The following OTUD7B variants were observed in gnomAD, a reference collection of about 807,000 sequenced individuals.
OTUD7B encodes the protein OTU deubiquitinase 7B.
Under a neutral mutation model 82.2 loss-of-function variants are expected in OTUD7B, and 34 were observed. The observed-to-expected ratio is 0.41, with a 90% confidence interval of 0.31 to 0.55. The LOEUF (loss-of-function observed/expected upper bound fraction) is 0.55. Among genes scored for constraint, OTUD7B ranks in the 20% least tolerant of loss-of-function variants. The probability of loss-of-function intolerance (pLI) is 0.20; values close to 1 mark genes in which losing one functional copy is unlikely to be tolerated. For missense variants in OTUD7B, 944 were observed against 1,062.1 expected (o/e 0.89, Z 1.55); for synonymous variants, 398 against 402.7 (o/e 0.99, Z 0.14).
chr1:149,965,048 A>G (rs1649434973), intron 5 of OTUD7B, among the ~76,000 whole-genome samples: 2 of 149,340 alleles, frequency 1.3e-5, no homozygotes, highest in African/African-American at 4.9e-5. Flanking sequence ...ATCTGCCACC[A>G]TGCCCAGCTA....
chr1:149,987,256 C>T (rs1651216403), intron 1 of OTUD7B, among the ~76,000 whole-genome samples: 1 of 152,156 alleles, frequency 6.6e-6, no homozygotes, highest in South Asian at 2.1e-4. Flanking sequence ...CATACAATGC[C>T]ACATTTTGTC....
At chr1:150,000,108 C>T (rs1652176805) in intron 1 of OTUD7B, among the ~76,000 whole-genome samples, 1 of 152,100 alleles carries the variant, frequency 6.6e-6, no homozygotes, top group South Asian at 2.1e-4. Context: ...AAATCAGGAA[C>T]GTTTTTGTGG....
the OTUD7B span, among the ~76,000 whole-genome samples, chr1:150,050,935 A>G: frequency 1.3e-5 from 2 of 151,304 alleles, no homozygotes; most frequent in African/African-American, 4.8e-5. Context: ...AAAAGAAAAG[A>G]AAGAAAAAAA....
At chr1:150,033,620 A>G in the OTUD7B span, among the ~76,000 whole-genome samples, 1 of 152,142 alleles carries the variant, frequency 6.6e-6, no homozygotes, top group Non-Finnish European at 1.5e-5. Flanking sequence ...TCTACTGCTC[A>G]TTTTACTATG....
rs936732089 is a variant in OTUD7B at position 149,964,424 on chromosome 1, G to A, written c.605-75C>T. 13 of 1,472,234 alleles carry A rather than the reference G, an allele frequency of 8.8e-6. No homozygotes were observed. The African/African-American group carries it at 1.8e-4, about 20-fold the overall frequency. The allele number at this position is 1,472,234 out of a possible 1,614,324, so 91.2% of individuals were successfully genotyped here. On this transcript the variant is annotated intron_variant, in intron 5 of 11. Transcript: ENST00000581312. ...TTTTTGTATTTTTAGTAGAGATGGG[G>A]TTTCACCATGTTGGCCAGGCTGGTC...
At chr1:149,998,667 C>T (rs1187980257) in intron 1 of OTUD7B, among the ~76,000 whole-genome samples, 1 of 152,170 alleles carries the variant, frequency 6.6e-6, no homozygotes, top group Non-Finnish European at 1.5e-5. Context: ...ACTTGTATTA[C>T]TATTTATCTA....
rs1327992272 is a variant in OTUD7B, at chr1:149,965,880, T to C, written c.503-2A>G. ...CACTCACCCACCAGTTCAAACGCCC[T>C]GTAGAAACAAGATAGTGGAGGAAAA... is the stretch of plus-strand genomic sequence containing the variant. On this transcript the variant is annotated splice_acceptor_variant, in intron 4 of 11. Coordinates refer to ENST00000581312, the MANE Select transcript of OTUD7B (RefSeq NM_020205.4). LOFTEE classifies it high-confidence loss of function. 2 of 1,612,166 alleles carry C rather than the reference T, an allele frequency of 1.2e-6. No homozygotes were observed. The highest frequency in any genetic ancestry group is 1.7e-6 in the Non-Finnish European group (2 of 1,178,376).
At chr1:150,063,068 C>T in the OTUD7B span, among the ~76,000 whole-genome samples, 1 of 152,088 alleles carries the variant, frequency 6.6e-6, no homozygotes, top group Admixed American at 6.6e-5. Flanking sequence ...CAGACTAGAT[C>T]ATTTCATCCT....
the OTUD7B span, among the ~76,000 whole-genome samples, chr1:150,057,817 T>G: frequency 1.3e-5 from 2 of 152,232 alleles, no homozygotes; most frequent in Non-Finnish European, 2.9e-5. Context: ...GTTTTAAACA[T>G]GTAGACTCAG....
chr1:149,982,916 G>C (rs1314331024), intron 1 of OTUD7B, among the ~76,000 whole-genome samples: 8 of 136,800 alleles, frequency 5.8e-5, no homozygotes, highest in Non-Finnish European at 3.0e-5. Flanking sequence ...GCCTGATCTC[G>C]GCTCACTGCA....
chr1:149,944,032 T>A lies in OTUD7B; in HGVS notation c.2357A>T (p.Asp786Val), dbSNP rs1553771125. ...SNGYREPPEP[D>V]GWAGGLRGLP... ...GCCCCGGAGACCTCCAGCCCATCCA[T>A]CTGGCTCAGGGGGCTCTCTGTAGCC... is the stretch of plus-strand genomic sequence containing the variant. The change falls in exon 12 of 12, where the codon GAT (aspartate) becomes GTT (valine). Residue 786 changes from aspartate (D) to valine (V), a missense_variant. By Grantham distance (152) the Asp-to-Val change is radical. Transcript: ENST00000581312. 2 of 1,614,206 alleles carry A rather than the reference T, an allele frequency of 1.2e-6. No individual in the cohort carries two copies. Among genetic ancestry groups the A allele is most frequent in the Admixed American group, 3.3e-5 (2 of 60,028 alleles).
chr1:150,013,332 C>T (rs61808061), upstream of OTUD7B, among the ~76,000 whole-genome samples: 3,434 of 152,184 alleles, frequency 0.023, 76 homozygotes, highest in Non-Finnish European at 0.035. Flanking sequence ...TGCATTTCAC[C>T]AGAGAAACTA....
intron 1 of OTUD7B, among the ~76,000 whole-genome samples, chr1:150,001,116 G>T (rs1213424748): frequency 1.3e-5 from 2 of 152,316 alleles, no homozygotes; most frequent in Admixed American, 6.5e-5. Context: ...AGGATGCAGG[G>T]TGGAACTTCA....
chr1:149,996,656 G>C (rs1326118334), intron 1 of OTUD7B, among the ~76,000 whole-genome samples: 2 of 152,140 alleles, frequency 1.3e-5, no homozygotes, highest in African/African-American at 4.8e-5. Flanking sequence ...TACATACTTT[G>C]AATGAATTAA....
chr1:150,018,407 G>T, the OTUD7B span, among the ~76,000 whole-genome samples: 47 of 152,144 alleles, frequency 3.1e-4, 1 homozygote, highest in Non-Finnish European at 1.5e-5. Flanking sequence ...GCTGCCCCCA[G>T]GCAGTGCCCT....
chr1:149,967,685 G>A (rs73010178), intron 3 of OTUD7B, among the ~76,000 whole-genome samples, 164 bp from the exon 4 acceptor site: 3,193 of 152,212 alleles, frequency 0.021, 91 homozygotes, highest in African/African-American at 0.07. Flanking sequence ...AAATACAATT[G>A]GAGAAATAGA....
rs1184738840 is a variant in OTUD7B, at chr1:149,940,641, T to A, written c.*3216A>T. 6.6e-6 allele frequency: 1 copy of A among 152,072 alleles called. No homozygotes were observed. Among genetic ancestry groups the A allele is most frequent in the African/African-American group, 2.4e-5 (1 of 41,402 alleles). 9.4% of individuals were successfully genotyped at this position (152,072 alleles called of 1,614,324 possible). On this transcript the variant is annotated 3_prime_UTR_variant, in exon 12 of 12. Transcript: ENST00000581312. ...TTAAATTTAAGCCTGAGAGATGATA[T>A]CATCCCTCACTTGGGGTTAAAGGGT...
At chr1:149,997,177 A>G (rs935239577) in intron 1 of OTUD7B, among the ~76,000 whole-genome samples, 4 of 152,214 alleles carry the variant, frequency 2.6e-5, no homozygotes, top group Non-Finnish European at 4.4e-5. Flanking sequence ...ATCCTCAAGT[A>G]TCTGTTATCA....
intron 1 of OTUD7B, among the ~76,000 whole-genome samples, chr1:150,007,405 T>C (rs1378555765): frequency 6.6e-6 from 1 of 152,198 alleles, no homozygotes; most frequent in Non-Finnish European, 1.5e-5. Flanking sequence ...CCCCAATTTA[T>C]TTCACTGATT....
Sources: allele counts gnomAD v4.1 joint callset (sites outside exome capture counted in the v4.1 genomes callset), GRCh38; gene constraint gnomAD v4.1.1; transcripts MANE v1.5; gene names NCBI Gene and HGNC (gene_info 2026-07-23, HGNC 2026-07-21).